The following KLHL22 variants were observed in gnomAD, a reference collection of about 807,000 sequenced individuals.
KLHL22 encodes kelch-like protein 22.
A neutral mutation model predicts 60.7 loss-of-function variants in KLHL22; 18 were observed. The observed-to-expected ratio is 0.30, with a 90% CI of 0.20 to 0.44. The LOEUF (loss-of-function observed/expected upper bound fraction) is 0.44. KLHL22 is among the 20% of genes least tolerant of loss of function. The pLI is 1.00. For missense variants in KLHL22, 596 were observed against 852.3 expected (o/e 0.70, Z 3.74); for synonymous variants, 355 against 354.5 (o/e 1.00, Z -0.01).
chr22:20,442,451 G>T lies in KLHL22; in HGVS notation c.1540-13C>A. 2 of 1,572,952 alleles carry T rather than the reference G, an allele frequency of 1.3e-6. No homozygotes were observed. The highest frequency in any genetic ancestry group is 1.3e-5 in the African/African-American group (1 of 74,162). On this transcript the variant is annotated splice_polypyrimidine_tract_variant and intron_variant, in intron 6 of 6. Coordinates refer to ENST00000328879, the MANE Select transcript of KLHL22 (RefSeq NM_032775.4). ...TGTAGCAGGCCACCTGCAAAGCCAA[G>T]GCTAGAATAAAGCCCAGCACCCACT...
intron 2 of KLHL22, chr22:20,483,113 G>A (rs1045270386): frequency 7.8e-6 from 5 of 641,782 alleles, no homozygotes; most frequent in Non-Finnish European, 1.1e-5. Flanking sequence ...CATCTACAGG[G>A]CATAGAAGGC....
At chr22:20,445,185 A>C (rs2052837673) in intron 6 of KLHL22, among the ~76,000 whole-genome samples, 1 of 150,654 alleles carries the variant, frequency 6.6e-6, no homozygotes, top group Non-Finnish European at 1.5e-5. Flanking sequence ...CCTGATTATG[A>C]ATGCTTTTCC....
Position 20,464,852 on chromosome 22 carries a change from T to C in KLHL22, c.1112+6A>G. ...GACAAAGGGACCAGCTAGCACCCTG[T>C]CCTACCTCCAGCATCGGGACTCTGC... On this transcript the variant is annotated splice_donor_region_variant and intron_variant, in intron 4 of 6. Transcript: ENST00000328879. 6.6e-7 allele frequency: 1 copy of C among 1,509,346 alleles called. No homozygotes were observed. Among genetic ancestry groups the C allele is most frequent in the African/African-American group, 1.4e-5 (1 of 71,960 alleles). The allele number at this position is 1,509,346 out of a possible 1,614,324, so 93.5% of individuals were successfully genotyped here.
At chr22:20,472,115 T>G (rs1388422485) in intron 2 of KLHL22, among the ~76,000 whole-genome samples, 1 of 151,456 alleles carries the variant, frequency 6.6e-6, no homozygotes, top group African/African-American at 2.4e-5. Flanking sequence ...GGCATGATGT[T>G]GTGCATCTGT....
intron 4 of KLHL22, among the ~76,000 whole-genome samples, chr22:20,464,270 G>A (rs1466736063): frequency 1.3e-5 from 2 of 152,242 alleles, no homozygotes; most frequent in African/African-American, 4.8e-5. Flanking sequence ...GTGGCAGACT[G>A]CAGGGCAGAG....
intron 5 of KLHL22, among the ~76,000 whole-genome samples, chr22:20,447,785 C>T (rs189311076): frequency 9.1e-4 from 138 of 152,314 alleles, no homozygotes; most frequent in Middle Eastern, 6.8e-3. Flanking sequence ...TCGTGACCCA[C>T]CTGCCTCGGC....
intron 5 of KLHL22, among the ~76,000 whole-genome samples, chr22:20,449,252 G>T (rs1373809470): frequency 6.6e-6 from 1 of 151,912 alleles, no homozygotes; most frequent in Non-Finnish European, 1.5e-5. Flanking sequence ...AGTAGAGATG[G>T]GGTTTCACCG....
At chr22:20,447,011 A>T (rs2052875957) in intron 5 of KLHL22, among the ~76,000 whole-genome samples, 1 of 152,212 alleles carries the variant, frequency 6.6e-6, no homozygotes, top group African/African-American at 2.4e-5. Context: ...AAGAAGCCAC[A>T]GAACCCTGGG....
intron 2 of KLHL22, 65 bp downstream of exon 2, chr22:20,488,920 A>G: frequency 1.3e-6 from 2 of 1,496,006 alleles, no homozygotes; most frequent in Non-Finnish European, 1.8e-6. Flanking sequence ...CACCGCCAGT[A>G]CCTTTACTAG....
rs1353241098 is a variant in KLHL22 at position 20,489,350 on chromosome 22, G to T, written c.-33-106C>A. 6.4e-6 allele frequency: 5 copies of T among 782,654 alleles called. No homozygotes were observed. In the Admixed American group the frequency reaches 8.7e-5, roughly 14 times the overall value. The allele number at this position is 782,654 out of a possible 1,614,324, so 48.5% of individuals were successfully genotyped here. A position where few individuals can be genotyped will look rare whatever the true frequency, so the allele number is the denominator to read the frequency against. On this transcript the variant is annotated intron_variant, in intron 1 of 6. Coordinates refer to ENST00000328879, the MANE Select transcript of KLHL22 (RefSeq NM_032775.4). ...TCCCCTTGCTCCTGTGCCTCCCTCA[G>T]GCTCACCTGTTTTCCCTCTATTTCC...
At chr22:20,462,521 ATTTT>A (rs558617516) in intron 4 of KLHL22, among the ~76,000 whole-genome samples, 3 of 134,702 alleles carry the variant, frequency 2.2e-5, no homozygotes, top group Non-Finnish European at 3.2e-5. Context: ...GGCCCAGCTA[ATTTT>A]TTTTTTTTTT....
intron 2 of KLHL22, among the ~76,000 whole-genome samples, chr22:20,475,824 A>G (rs1463978291): frequency 6.6e-6 from 1 of 152,194 alleles, no homozygotes; most frequent in Non-Finnish European, 1.5e-5. Context: ...GGGCTCCCAA[A>G]GTGCTGGGAT....
intron 5 of KLHL22, 24 bp downstream of exon 5, chr22:20,457,784 G>A (rs377364384): frequency 1.9e-6 from 3 of 1,546,152 alleles, no homozygotes; most frequent in Non-Finnish European, 1.8e-6. Context: ...GCAGGAGAAG[G>A]CCCCTCTTCG....
intron 2 of KLHL22, among the ~76,000 whole-genome samples, chr22:20,479,001 C>T (rs896368955): frequency 4.0e-5 from 6 of 151,568 alleles, no homozygotes; most frequent in African/African-American, 7.3e-5. Flanking sequence ...TGGTGGCAGG[C>T]GCCTGTAATT....
intron 2 of KLHL22, among the ~76,000 whole-genome samples, chr22:20,487,272 C>T (rs2053601538): frequency 6.6e-6 from 1 of 151,826 alleles, no homozygotes; most frequent in South Asian, 2.1e-4. Context: ...GGCTGGAATG[C>T]AGTGGCACAA....
In KLHL22 at chr22:20,442,400, A is replaced by G. The variant is rs2052775603; in HGVS notation, c.1578T>C (p.Ser526=). 1 of 1,611,944 alleles carries G rather than the reference A, an allele frequency of 6.2e-7. No homozygotes were observed. Among genetic ancestry groups the G allele is most frequent in the South Asian group, 1.1e-5 (1 of 90,806 alleles). The change falls in exon 7 of 7, where the codon TCT becomes TCC. Residue 526 remains serine, a synonymous_variant. Transcript: ENST00000328879. ...CGTGCCCAGCAGGGAGTGGGCAGAC[A>G]GATGACCACTGTCCAGACGTGCAGC... The part of the protein sequence containing the change: ...CYSCTSGQWS[S]VCPLPAGHGE...
intron 2 of KLHL22, chr22:20,483,124 C>G (rs1176831760): frequency 1.9e-5 from 12 of 637,776 alleles, no homozygotes; most frequent in Admixed American, 6.8e-5. Context: ...CATAGAAGGC[C>G]TCCACCTCCC....
At chr22:20,478,813 C>A (rs1338966262) in intron 2 of KLHL22, among the ~76,000 whole-genome samples, 1 of 149,394 alleles carries the variant, frequency 6.7e-6, no homozygotes, top group Non-Finnish European at 1.5e-5. Flanking sequence ...CATGCCCAGC[C>A]TCCCAAACTT....
rs1489348929 is a variant in KLHL22 at position 20,489,061 on chromosome 22, C to CGAAGT, written c.150_151insACTTC (p.Asp51ThrfsTer35). 1 of 1,613,940 alleles carries CGAAGT rather than the reference C, an allele frequency of 6.2e-7. No individual in the cohort carries two copies. Among genetic ancestry groups the CGAAGT allele is most frequent in the East Asian group, 2.2e-5 (1 of 44,902 alleles). ...CTGCCCTCCACCACCAGCACAACAT[C>CGAAGT]GAAGAGGATTCCGCTGTCCCGGAGA... On this transcript the variant is annotated frameshift_variant, in exon 2 of 7. Transcript: ENST00000328879. LOFTEE classifies it high-confidence loss of function.
Sources: allele counts gnomAD v4.1 joint callset (sites outside exome capture counted in the v4.1 genomes callset), GRCh38; gene constraint gnomAD v4.1.1; transcripts MANE v1.5; gene names NCBI Gene and HGNC (gene_info 2026-07-23, HGNC 2026-07-21).